Variants in TNS1 observed in about 807,000 individuals in gnomAD.
The protein encoded by TNS1 is tensin 1.
A neutral mutation model predicts 168.6 loss-of-function variants in TNS1; 62 were observed. The observed-to-expected ratio is 0.37, with a 90% confidence interval of 0.30 to 0.45. The LOEUF is 0.45. Ranked by LOEUF, TNS1 falls within the 20% of genes least tolerant of loss-of-function variation. The pLI is 1.00. For synonymous variants in TNS1, 934 were observed against 933.2 expected (o/e 1.00, Z -0.02); for missense variants, 2,240 against 2,339.4 (o/e 0.96, Z 0.88).
chr2:217,850,426 G>T (rs925312226), intron 18 of TNS1: 13 of 985,126 alleles, frequency 1.3e-5, no homozygotes, highest in Admixed American at 6.2e-5. Context: ...ACAGCTCTGA[G>T]GACCCCCCTG....
intron 12 of TNS1, among the ~76,000 whole-genome samples, chr2:217,890,047 T>G (rs1184646865): frequency 6.6e-6 from 1 of 152,226 alleles, no homozygotes; most frequent in Non-Finnish European, 1.5e-5. Flanking sequence ...TTACTAGGCC[T>G]TCACGTACTT....
intron 22 of TNS1, among the ~76,000 whole-genome samples, chr2:217,825,592 C>T (rs1943499990): frequency 6.6e-6 from 1 of 152,198 alleles, no homozygotes; most frequent in Non-Finnish European, 1.5e-5. Context: ...GTACAGGTAC[C>T]CCTGCTAGCA....
intron 18 of TNS1, among the ~76,000 whole-genome samples, chr2:217,874,023 A>AC (rs1950003345): frequency 9.0e-6 from 1 of 111,542 alleles, no homozygotes. Flanking sequence ...CCCCCCAACC[A>AC]ACACACACAC....
At chr2:217,920,548 G>T (rs1048365583) in intron 3 of TNS1, among the ~76,000 whole-genome samples, 2 of 149,438 alleles carry the variant, frequency 1.3e-5, no homozygotes, top group Admixed American at 6.6e-5. Flanking sequence ...GAAGCTTCAG[G>T]TAATAAGAAG....
At chr2:217,804,940 T>C (rs1938185527) in intron 32 of TNS1, among the ~76,000 whole-genome samples, 1 of 151,880 alleles carries the variant, frequency 6.6e-6, no homozygotes, top group Admixed American at 6.6e-5. Context: ...TAGACAGGCC[T>C]CTCCCCGCCC....
At chr2:217,833,085 C>T (rs796469070) in intron 21 of TNS1, among the ~76,000 whole-genome samples, 5 of 152,272 alleles carry the variant, frequency 3.3e-5, no homozygotes, top group African/African-American at 1.2e-4. Context: ...AAATTAATTA[C>T]GAAATAATAT....
In TNS1 at chr2:217,995,770, AC is replaced by A. The variant is rs1958458282; in HGVS notation, c.34-4715del. 1.3e-5 allele frequency among the ~76,000 whole-genome samples: 2 copies of A among 151,818 alleles called. No homozygotes were observed. The highest frequency in any genetic ancestry group is 4.2e-4 in the South Asian group (2 of 4,806). ...AGCTGCCTGGTCTCTCCACACCCAC[AC>A]CCCTCAACCCCCACCTCTCTCAAGA... On this transcript the variant is annotated intron_variant, in intron 1 of 32. Coordinates refer to ENST00000682258, the MANE Select transcript of TNS1 (RefSeq NM_001387777.1). The surrounding 1 kb of genome is among the most constrained non-coding windows in gnomAD (Gnocchi z 4.1).
At chr2:217,867,718 C>T (rs1949400760) in intron 18 of TNS1, among the ~76,000 whole-genome samples, 1 of 152,220 alleles carries the variant, frequency 6.6e-6, no homozygotes, top group East Asian at 1.9e-4. Context: ...TCAGGTGGGC[C>T]CCTGCCTCAG....
At chr2:217,853,870 G>A (rs1045905057) in intron 18 of TNS1, among the ~76,000 whole-genome samples, 4 of 152,206 alleles carry the variant, frequency 2.6e-5, no homozygotes, top group East Asian at 1.9e-4. Flanking sequence ...AGGTGTGTGC[G>A]GCACTAGCCA....
intron 18 of TNS1, among the ~76,000 whole-genome samples, chr2:217,854,092 T>G (rs1346381568): frequency 6.6e-6 from 1 of 152,142 alleles, no homozygotes; most frequent in Non-Finnish European, 1.5e-5. Context: ...AGGCCTGGGG[T>G]GGGGCCAGGA....
At chr2:217,806,882 G>A (rs1939225891) in intron 32 of TNS1, among the ~76,000 whole-genome samples, 1 of 152,180 alleles carries the variant, frequency 6.6e-6, no homozygotes, top group African/African-American at 2.4e-5. Flanking sequence ...GAGCTTGCAG[G>A]CTGGTGGCCA....
rs1000757500 is a variant in TNS1 at position 217,920,228 on chromosome 2, G to A, written c.195C>T (p.Ala65=). The A allele has an allele frequency of 1.4e-6, 1 of 703,024 alleles. No individual in the cohort carries two copies. Among genetic ancestry groups the A allele is most frequent in the Admixed American group, 2.0e-5 (1 of 50,022 alleles). 43.5% of individuals were successfully genotyped at this position (703,024 alleles called of 1,614,324 possible). ...CHRKCQAKVA[A]PCVPPSNHEL... is the part of the protein sequence containing the mutation. ...CATGGTTGGATGGAGGAACGCAGGG[G>A]GCAGCCACCTGTGGAAGGAACAGAG... Residue 65 remains alanine (A), a synonymous_variant, in exon 4 of 33, where the codon GCC becomes GCT. Coordinates refer to ENST00000682258, the MANE Select transcript of TNS1 (RefSeq NM_001387777.1).
intron 18 of TNS1, among the ~76,000 whole-genome samples, chr2:217,875,291 T>A (rs1950114351): frequency 6.6e-6 from 1 of 152,186 alleles, no homozygotes; most frequent in South Asian, 2.1e-4. Flanking sequence ...CACTGTGGCA[T>A]AATTGAGCCT....
intron 2 of TNS1, among the ~76,000 whole-genome samples, chr2:217,988,189 G>C (rs1482299407): frequency 6.6e-6 from 1 of 152,172 alleles, no homozygotes; most frequent in Non-Finnish European, 1.5e-5. Context: ...CCAGAGCCCA[G>C]CCAGAGCTGC....
rs1427455410 is a variant in TNS1, at chr2:217,800,532, AAC to A, written c.*3925_*3926del. 3 of 152,144 alleles carry A rather than the reference AAC, an allele frequency of 2.0e-5. No homozygotes were observed. The highest frequency in any genetic ancestry group is 7.3e-5 in the African/African-American group (3 of 41,372). The allele number at this position is 152,144 out of a possible 1,614,324, so 9.4% of individuals were successfully genotyped here. ...CCAAGTTCCCTAAAGAAATGAGCAAAACACACGCACACACATACATCCACACT... is the reference window on the plus strand; with the variant it reads ...CCAAGTTCCCTAAAGAAATGAGCAAAACACGCACACACATACATCCACACT... On this transcript the variant is annotated 3_prime_UTR_variant, in exon 33 of 33. Transcript: ENST00000682258.
At chr2:217,882,308 G>A (rs757462806) in intron 17 of TNS1, 38 bp downstream of exon 17, 1 of 1,411,290 alleles carries the variant, frequency 7.1e-7, no homozygotes, top group South Asian at 1.2e-5. Flanking sequence ...CAGGATAAAA[G>A]GAAGGAGTGA....
chr2:217,922,494 C>T (rs750405735), intron 3 of TNS1, among the ~76,000 whole-genome samples: 1 of 152,222 alleles, frequency 6.6e-6, no homozygotes, highest in Non-Finnish European at 1.5e-5. Context: ...CTGATGCCTG[C>T]CACTGCCAGG....
intron 12 of TNS1, among the ~76,000 whole-genome samples, chr2:217,889,513 T>C (rs1410509428): frequency 6.6e-6 from 1 of 152,240 alleles, no homozygotes; most frequent in Non-Finnish European, 1.5e-5. Context: ...TCCCTCATTC[T>C]GGATCCTTTA....
At chr2:217,851,829 G>C (rs925033181) in intron 18 of TNS1, among the ~76,000 whole-genome samples, 1 of 152,100 alleles carries the variant, frequency 6.6e-6, no homozygotes, top group African/African-American at 2.4e-5. Context: ...CCAAAGAACT[G>C]AGCTCCTTGC....
Sources: allele counts gnomAD v4.1 joint callset (sites outside exome capture counted in the v4.1 genomes callset), GRCh38; gene constraint gnomAD v4.1.1; non-coding constraint Gnocchi (gnomAD v3.1); transcripts MANE v1.5; gene names NCBI Gene and HGNC (gene_info 2026-07-23, HGNC 2026-07-21).